Variants in MTA3 observed in about 807,000 individuals in gnomAD.
The protein encoded by MTA3 is metastasis associated 1 family member 3, also known as metastasis-associated protein MTA3.
Under a neutral mutation model 83.5 loss-of-function variants are expected in MTA3, and 34 were observed. The ratio of observed to expected loss-of-function variants is 0.41; its 90% confidence interval spans 0.31 to 0.54. The LOEUF is 0.54. MTA3 is among the 20% of genes least tolerant of loss of function. The pLI is 0.33. For synonymous variants in MTA3, 303 were observed against 252.7 expected (o/e 1.20, Z -1.89); for missense variants, 761 against 726.4 (o/e 1.05, Z -0.55).
intron 5 of MTA3, among the ~76,000 whole-genome samples, chr2:42,641,029 C>T (rs1375390508): frequency 6.6e-6 from 1 of 152,078 alleles, no homozygotes; most frequent in Non-Finnish European, 1.5e-5. Context: ...GCTTCAGCCT[C>T]CTGAGTAGCT....
chr2:42,704,321 A>G lies in MTA3; in HGVS notation c.1150+3A>G, dbSNP rs370785029. 1.9e-6 allele frequency: 3 copies of G among 1,613,436 alleles called. No homozygotes were observed. The highest frequency in any genetic ancestry group is 2.7e-5 in the African/African-American group (2 of 74,902). ...GAGAGCCTGTGAGAGCTGCTATGGT[A>G]AGTTTTCTCTAGCAGGTCAGTTAAG... On this transcript the variant is annotated splice_donor_region_variant and intron_variant, in intron 12 of 16. Coordinates refer to ENST00000405094, the MANE Select transcript of MTA3 (RefSeq NM_001330442.2).
chr2:42,717,379 A>G (rs544669650), intron 14 of MTA3, among the ~76,000 whole-genome samples: 80 of 152,312 alleles, frequency 5.3e-4, no homozygotes, highest in Middle Eastern at 3.4e-3. Flanking sequence ...GGAAAAAGGC[A>G]TAAACATAGT....
At chr2:42,726,272 G>A (rs1341750207) in intron 16 of MTA3, among the ~76,000 whole-genome samples, 1 of 152,066 alleles carries the variant, frequency 6.6e-6, no homozygotes, top group African/African-American at 2.4e-5. Flanking sequence ...AGGCCTCTTA[G>A]CTTTAGGGCA....
chr2:42,756,758 T>C lies in MTA3; in HGVS notation c.*3359T>C, dbSNP rs972792173. On this transcript the variant is annotated 3_prime_UTR_variant, in exon 17 of 17. Transcript: ENST00000405094. The stretch of plus-strand genomic sequence containing the variant: ...CCCAGTTTTCTGTCCACCCCTCCTG[T>C]TCCTCTGCACTATGTCTCTGATTTT... The C allele has an allele frequency of 1.0e-5, 10 of 985,318 alleles. No individual in the cohort carries two copies. The African/African-American group carries it at 1.7e-4, about 17-fold the overall frequency. 61.0% of individuals were successfully genotyped at this position (985,318 alleles called of 1,614,324 possible).
chr2:42,696,993 A>G (rs527603170), intron 10 of MTA3, among the ~76,000 whole-genome samples: 1 of 152,308 alleles, frequency 6.6e-6, no homozygotes, highest in Non-Finnish European at 1.5e-5. Flanking sequence ...TTCTTTCCAA[A>G]AACTTCAACC....
In MTA3 at chr2:42,679,851, T is replaced by C. The variant is rs546842855; in HGVS notation, c.703-2550T>C. Among the ~76,000 whole-genome samples, 207 of 151,996 alleles carry C rather than the reference T, an allele frequency of 1.4e-3. 1 individual carries two copies. The highest frequency in any genetic ancestry group is 4.2e-3 in the African/African-American group (174 of 41,472). ...GATGGCTGTGTGTTGTTTTTTTTTT[T>C]CCCCACTTTGGATTCTTTTCTTTAA... is the stretch of plus-strand genomic sequence containing the variant. On this transcript the variant is annotated intron_variant, in intron 8 of 16. Coordinates refer to ENST00000405094, the MANE Select transcript of MTA3 (RefSeq NM_001330442.2).
intron 2 of MTA3, among the ~76,000 whole-genome samples, chr2:42,514,204 C>T (rs933470963): frequency 7.2e-5 from 11 of 151,924 alleles, no homozygotes; most frequent in Non-Finnish European, 1.0e-4. Context: ...CGGAATGAGA[C>T]TCCGTCTCAA....
intron 2 of MTA3, among the ~76,000 whole-genome samples, chr2:42,525,594 CTTCCTTCCT>C (rs139964182): frequency 2.1e-4 from 21 of 100,044 alleles, no homozygotes; most frequent in African/African-American, 3.8e-4. Flanking sequence ...CCTTCCTTTC[CTTCCTTCCT>C]TTCCTTCCTT....
chr2:42,641,620 G>C lies in MTA3; in HGVS notation c.381+1384G>C, dbSNP rs1023142119. Among the ~76,000 whole-genome samples, 30 of 152,234 alleles carry C rather than the reference G, an allele frequency of 2.0e-4. No individual in the cohort carries two copies. In the East Asian group the frequency reaches 5.6e-3, roughly 28 times the overall value. On this transcript the variant is annotated intron_variant, in intron 5 of 16. Transcript: ENST00000405094. ...CCCAGCGCTTTGGGAGGCCGAGGTG[G>C]GCGGATCACGAGGTCAGGAGTTCGA...
chr2:42,577,590 C>T (rs1232721150), intron 2 of MTA3, among the ~76,000 whole-genome samples: 1 of 151,782 alleles, frequency 6.6e-6, no homozygotes, highest in East Asian at 1.9e-4. Context: ...AAGCGATTCT[C>T]CTGCCTCAGC....
chr2:42,753,473 G>A lies in MTA3; in HGVS notation c.*74G>A. 6.5e-7 allele frequency: 1 copy of A among 1,548,976 alleles called. No homozygotes were observed. Among genetic ancestry groups the A allele is most frequent in the South Asian group, 1.2e-5 (1 of 83,946 alleles). On this transcript the variant is annotated 3_prime_UTR_variant, in exon 17 of 17. Transcript: ENST00000405094. ...TGATGTTCACAGCCGTGCCTGGGAA[G>A]AAGGCAGCCCCACTCCCAGTACATT... is the stretch of plus-strand genomic sequence containing the variant.
At chr2:42,718,927 A>T in intron 14 of MTA3, 61 bp from the exon 15 acceptor site, 1 of 1,213,430 alleles carries the variant, frequency 8.2e-7, no homozygotes, top group Non-Finnish European at 1.2e-6. Context: ...TCTGTGGTGC[A>T]TGTAGTCTGG....
chr2:42,694,057 G>A (rs1212284606), intron 9 of MTA3, among the ~76,000 whole-genome samples: 1 of 152,176 alleles, frequency 6.6e-6, no homozygotes, highest in East Asian at 1.9e-4. Flanking sequence ...GTGTATAGGA[G>A]CTAGGGCCTG....
intron 16 of MTA3, among the ~76,000 whole-genome samples, chr2:42,726,188 G>A (rs1021177825): frequency 1.3e-5 from 2 of 152,128 alleles, no homozygotes; most frequent in African/African-American, 4.8e-5. Context: ...TCAGACAGAT[G>A]AGCATACCAA....
At chr2:42,620,857 A>T (rs1174205499) in intron 4 of MTA3, among the ~76,000 whole-genome samples, 1 of 152,154 alleles carries the variant, frequency 6.6e-6, no homozygotes, top group African/African-American at 2.4e-5. Context: ...TTTTTCTTGG[A>T]ATACCATTTT....
At chr2:42,502,935 C>G (rs2103646945) in intron 2 of MTA3, among the ~76,000 whole-genome samples, 1 of 151,224 alleles carries the variant, frequency 6.6e-6, no homozygotes, top group East Asian at 2.0e-4. Context: ...GCAGTCCAGC[C>G]TGGGAGACAG....
At chr2:42,590,867 C>T (rs1409604328) in intron 3 of MTA3, among the ~76,000 whole-genome samples, 1 of 151,966 alleles carries the variant, frequency 6.6e-6, no homozygotes, top group Non-Finnish European at 1.5e-5. Flanking sequence ...GTGATCTGCC[C>T]GCCTGTTTGC....
At position 42,719,005 on chromosome 2, in the gene MTA3, G is replaced by C; in HGVS notation, c.1543G>C (p.Glu515Gln). Residue 515 changes from glutamate (E) to glutamine (Q), a missense_variant, in exon 15 of 17, where the codon GAA becomes CAA. Transcript: ENST00000405094. ...IRAEYADRHAELSGSPLKSKS... is the reference protein window; with the variant it reads ...IRAEYADRHAQLSGSPLKSKS... ...CTCCTCAGATGCAGACAGACATGCT[G>C]AACTATCTGGAAGTCCACTGAAAAG... 1.9e-6 allele frequency: 3 copies of C among 1,550,262 alleles called. No homozygotes were observed. The highest frequency in any genetic ancestry group is 2.6e-6 in the Non-Finnish European group (3 of 1,146,798).
At chr2:42,718,645 C>T (rs573453588) in intron 14 of MTA3, among the ~76,000 whole-genome samples, 2 of 151,988 alleles carry the variant, frequency 1.3e-5, no homozygotes, top group East Asian at 3.9e-4. Flanking sequence ...CACCTGTAAT[C>T]CCAGATACTC....
Sources: allele counts gnomAD v4.1 joint callset (sites outside exome capture counted in the v4.1 genomes callset), GRCh38; gene constraint gnomAD v4.1.1; transcripts MANE v1.5; gene names NCBI Gene and HGNC (gene_info 2026-07-23, HGNC 2026-07-21).